ECT2: variants seen among roughly 807,000 people sequenced by gnomAD.
The protein encoded by ECT2 is protein ECT2.
ECT2 carries 61 observed loss-of-function variants against 116.9 expected under a neutral mutation model. The ratio of observed to expected loss-of-function variants is 0.52; its 90% confidence interval spans 0.42 to 0.65. The LOEUF is 0.65. ECT2 is among the 30% of genes least tolerant of loss of function. The probability of loss-of-function intolerance (pLI) is 0.00; values close to 1 mark genes in which losing one functional copy is unlikely to be tolerated. For missense variants in ECT2, 937 were observed against 1,078.7 expected (o/e 0.87, Z 1.84); for synonymous variants, 358 against 346.4 (o/e 1.03, Z -0.37).
intron 22 of ECT2, among the ~76,000 whole-genome samples, chr3:172,813,277 AT>A (rs752807483): frequency 6.6e-6 from 1 of 152,086 alleles, no homozygotes; most frequent in Non-Finnish European, 1.5e-5. Flanking sequence ...CATGAAAAAA[AT>A]ATATACCCAA....
downstream of ECT2, among the ~76,000 whole-genome samples, chr3:172,824,566 C>T (rs149974872): frequency 3.3e-3 from 503 of 152,090 alleles, 2 homozygotes; most frequent in African/African-American, 0.011. Flanking sequence ...GAGATTTGGG[C>T]GGGGACACAG....
At chr3:172,803,330 T>C (rs1205143484) in intron 20 of ECT2, among the ~76,000 whole-genome samples, 2 of 152,198 alleles carry the variant, frequency 1.3e-5, no homozygotes, top group African/African-American at 4.8e-5. Flanking sequence ...TTCAGTAGAT[T>C]TTTTCCAATA....
intron 18 of ECT2, among the ~76,000 whole-genome samples, chr3:172,797,375 C>T (rs1725910301): frequency 6.6e-6 from 1 of 152,100 alleles, no homozygotes; most frequent in East Asian, 1.9e-4. Flanking sequence ...ACATGATTTT[C>T]AGGTCATACA....
chr3:172,821,902 G>T (rs1285615855), downstream of ECT2, among the ~76,000 whole-genome samples: 1 of 151,734 alleles, frequency 6.6e-6, no homozygotes, highest in Admixed American at 6.6e-5. Flanking sequence ...ATTTGAAAGG[G>T]AATGTTTCTG....
At chr3:172,828,354 C>G in the ECT2 span, among the ~76,000 whole-genome samples, 1 of 51,554 alleles carries the variant, frequency 1.9e-5, no homozygotes, top group Non-Finnish European at 4.0e-5. Flanking sequence ...GTGTGTGTGG[C>G]TGTGTCTGTG....
rs549217087 is a variant in ECT2, at chr3:172,751,314, C to T, written c.-23+457C>T. 8.7e-4 allele frequency among the ~76,000 whole-genome samples: 132 copies of T among 152,332 alleles called. 1 individual carries two copies. Among genetic ancestry groups the T allele is most frequent in the Middle Eastern group, 3.4e-3 (1 of 294 alleles). On this transcript the variant is annotated intron_variant, in intron 1 of 24. Coordinates refer to ENST00000392692, the MANE Select transcript of ECT2 (RefSeq NM_001258315.2). ...AAATCCAGGCCATCCGCCCCTCGTC[C>T]TCCCCAGCCACCCGGCACAGATGTG... is the stretch of plus-strand genomic sequence containing the variant.
At chr3:172,820,022 ATGTCT>A (rs1730477144) in intron 24 of ECT2, 121 bp from the exon 25 acceptor site, 1 of 581,194 alleles carries the variant, frequency 1.7e-6, no homozygotes, top group South Asian at 3.3e-5. Context: ...GAATTGTCAG[ATGTCT>A]TGTACTTAAT....
chr3:172,779,005 T>G (rs967493944), intron 14 of ECT2, among the ~76,000 whole-genome samples: 6 of 152,250 alleles, frequency 3.9e-5, no homozygotes, highest in South Asian at 2.1e-4. Flanking sequence ...AGAGCAATGT[T>G]CTTATGTAAG....
At chr3:172,756,385 A>T (rs1716992525) in intron 4 of ECT2, among the ~76,000 whole-genome samples, 1 of 152,152 alleles carries the variant, frequency 6.6e-6, no homozygotes, top group African/African-American at 2.4e-5. Context: ...TAAAGTGTTT[A>T]CTGTAAGTAA....
At chr3:172,795,166 C>T (rs1725390062) in intron 18 of ECT2, among the ~76,000 whole-genome samples, 1 of 151,394 alleles carries the variant, frequency 6.6e-6, no homozygotes, top group Non-Finnish European at 1.5e-5. Context: ...GCTATTGTAA[C>T]ACAAAAATTA....
chr3:172,786,627 G>T, intron 18 of ECT2, 53 bp downstream of exon 18: 1 of 1,195,710 alleles, frequency 8.4e-7, no homozygotes, highest in South Asian at 1.3e-5. Context: ...GAATGGAATT[G>T]ATAGAAAACT....
downstream of ECT2, among the ~76,000 whole-genome samples, chr3:172,825,664 TGA>T (rs557223785): frequency 2.8e-4 from 43 of 152,240 alleles, 2 homozygotes; most frequent in South Asian, 6.4e-3. Context: ...CTATGAAGGC[TGA>T]GAGAGATAAG....
At chr3:172,761,866 T>G (rs1184821409) in intron 8 of ECT2, among the ~76,000 whole-genome samples, 183 bp downstream of exon 8, 1 of 152,112 alleles carries the variant, frequency 6.6e-6, no homozygotes. Context: ...AATTGAAAGA[T>G]ATCTTTGATA....
chr3:172,771,767 T>A (rs917160865), intron 13 of ECT2, among the ~76,000 whole-genome samples: 1 of 152,320 alleles, frequency 6.6e-6, no homozygotes, highest in Non-Finnish European at 1.5e-5. Context: ...GGAGAGATTT[T>A]GAAGATCTGA....
chr3:172,784,117 A>G (rs139523459), intron 16 of ECT2, among the ~76,000 whole-genome samples: 178 of 152,192 alleles, frequency 1.2e-3, no homozygotes, highest in African/African-American at 4.1e-3. Context: ...AGCTGAGTGA[A>G]TAAGAATGTT....
In ECT2 at chr3:172,782,068, A is replaced by T. The variant is rs58149811; in HGVS notation, c.1549-95A>T. 0.021 allele frequency: 12,414 copies of T among 597,982 alleles called. 1,216 individuals are homozygous for T. In the African/African-American group the frequency reaches 0.21, roughly 10 times the overall value. 37.0% of individuals were successfully genotyped at this position (597,982 alleles called of 1,614,324 possible). ...ACACATCAAATTAAGACACTTTGTA[A>T]AGTGCTTCTTTCCAATGAGTATCTC... On this transcript the variant is annotated intron_variant, in intron 14 of 24. Transcript: ENST00000392692.
At chr3:172,778,883 C>T (rs1374381932) in intron 14 of ECT2, among the ~76,000 whole-genome samples, 2 of 152,124 alleles carry the variant, frequency 1.3e-5, no homozygotes, top group Admixed American at 6.5e-5. Context: ...GCATGAGCCA[C>T]GGCACCCGGC....
chr3:172,798,239 T>C (rs1726084628), intron 18 of ECT2, among the ~76,000 whole-genome samples: 1 of 152,222 alleles, frequency 6.6e-6, no homozygotes, highest in African/African-American at 2.4e-5. Flanking sequence ...AATCTGTTAT[T>C]ATAATTTTGG....
intron 18 of ECT2, among the ~76,000 whole-genome samples, chr3:172,788,070 T>C (rs1723928316): frequency 1.3e-5 from 2 of 152,186 alleles, no homozygotes; most frequent in African/African-American, 4.8e-5. Context: ...TGTTAAATTA[T>C]AGGACCTGAT....
Sources: gnomAD v4.1 joint callset for allele counts (sites outside exome capture counted in the v4.1 genomes callset) on GRCh38, gnomAD v4.1.1 for gene constraint, MANE v1.5 for transcripts, NCBI Gene and HGNC (gene_info 2026-07-23, HGNC 2026-07-21) for gene names.